RTN4RL1: variants seen among roughly 807,000 people sequenced by gnomAD.
The protein encoded by RTN4RL1 is reticulon-4 receptor-like 1.
RTN4RL1 carries 7 observed loss-of-function variants against 25.6 expected under a neutral mutation model. The ratio of observed to expected loss-of-function variants is 0.27; its 90% confidence interval spans 0.16 to 0.51. RTN4RL1 has a LOEUF of 0.51. RTN4RL1 is among the 20% of genes least tolerant of loss of function. The probability of loss-of-function intolerance (pLI) is 0.97; values close to 1 mark genes in which losing one functional copy is unlikely to be tolerated. For synonymous variants in RTN4RL1, 297 were observed against 288.2 expected (o/e 1.03, Z -0.31); for missense variants, 500 against 615.6 (o/e 0.81, Z 1.99).
chr17:2,006,916 C>T lies in RTN4RL1; in HGVS notation c.13+17937G>A, dbSNP rs149063888. Among the ~76,000 whole-genome samples, 191 of 152,274 alleles carry T rather than the reference C, an allele frequency of 1.3e-3. 2 individuals are homozygous for T. The East Asian group carries it at 0.028, about 22-fold the overall frequency. ...GGGATTACAGGCATAAGCCACTGTG[C>T]CCGGCCTTTTCTTTTTTTTAATGTG... On this transcript the variant is annotated intron_variant, in intron 1 of 1. Coordinates refer to ENST00000331238, the MANE Select transcript of RTN4RL1 (RefSeq NM_178568.4).
intron 1 of RTN4RL1, among the ~76,000 whole-genome samples, chr17:1,969,466 C>G (rs1350054520): frequency 6.6e-6 from 1 of 152,168 alleles, no homozygotes; most frequent in East Asian, 1.9e-4. Flanking sequence ...GTCCCCACTT[C>G]TAACTTCAGA....
chr17:1,984,345 T>G (rs528434239), intron 1 of RTN4RL1, among the ~76,000 whole-genome samples: 5 of 152,126 alleles, frequency 3.3e-5, no homozygotes, highest in African/African-American at 1.2e-4. Context: ...GGAGGCTGAG[T>G]TCTATCCCAG....
At chr17:1,938,459 G>A (rs924029391) in intron 1 of RTN4RL1, among the ~76,000 whole-genome samples, 2 of 151,588 alleles carry the variant, frequency 1.3e-5, no homozygotes, top group East Asian at 2.0e-4. Context: ...GCACCATCAC[G>A]CCCAGGTAGT....
chr17:2,005,766 C>CTCA (rs2066989719), intron 1 of RTN4RL1, among the ~76,000 whole-genome samples: 1 of 96,178 alleles, frequency 1.0e-5, no homozygotes, highest in Non-Finnish European at 2.3e-5. Context: ...TCTCTCTCTC[C>CTCA]TTCTCTTTCT....
intron 1 of RTN4RL1, among the ~76,000 whole-genome samples, chr17:1,973,778 C>T (rs150628713): frequency 4.6e-5 from 7 of 152,258 alleles, no homozygotes; most frequent in East Asian, 1.9e-4. Context: ...GTGGCTCATA[C>T]CTGTAATCCC....
chr17:1,996,384 C>T (rs2066929422), intron 1 of RTN4RL1, among the ~76,000 whole-genome samples: 1 of 147,254 alleles, frequency 6.8e-6, no homozygotes, highest in Non-Finnish European at 1.5e-5. Context: ...GCTCTCCCCA[C>T]CTCCCCTCCC....
intron 1 of RTN4RL1, among the ~76,000 whole-genome samples, chr17:2,010,014 C>G (rs1347618799): frequency 7.8e-6 from 1 of 128,882 alleles, no homozygotes; most frequent in Non-Finnish European, 1.6e-5. Context: ...GCAGCGCCCT[C>G]CCTCACTCCC....
rs2066806500 is a variant in RTN4RL1, at chr17:1,969,135, T to C, written c.14-31327A>G. Among the ~76,000 whole-genome samples, 3 of 141,760 alleles carry C rather than the reference T, an allele frequency of 2.1e-5. No individual in the cohort carries two copies. The Admixed American group carries it at 2.4e-4, about 11-fold the overall frequency. The allele number at this position is 141,760 out of a possible 152,430, so 93.0% of individuals were successfully genotyped here. On this transcript the variant is annotated intron_variant, in intron 1 of 1. Coordinates refer to ENST00000331238, the MANE Select transcript of RTN4RL1 (RefSeq NM_178568.4). Reference sequence around the variant, plus strand: ...GTGCAGTGGCGCAATCTCAGTTCACTGCAACCTCTGCCTCCGAGGTTAAAA... The same window carrying C: ...GTGCAGTGGCGCAATCTCAGTTCACCGCAACCTCTGCCTCCGAGGTTAAAA...
At chr17:1,982,586 C>G (rs921110271) in intron 1 of RTN4RL1, among the ~76,000 whole-genome samples, 7 of 151,828 alleles carry the variant, frequency 4.6e-5, no homozygotes, top group Non-Finnish European at 1.0e-4. Context: ...TGCACTCCAG[C>G]CTGGGGGTCA....
chr17:1,965,701 C>T (rs1236016579), intron 1 of RTN4RL1, among the ~76,000 whole-genome samples: 1 of 152,150 alleles, frequency 6.6e-6, no homozygotes, highest in Admixed American at 6.5e-5. Flanking sequence ...GGGCCTCTCC[C>T]AGTTCACTTT....
chr17:1,961,942 T>C (rs1205581203), intron 1 of RTN4RL1, among the ~76,000 whole-genome samples: 7 of 112,696 alleles, frequency 6.2e-5, no homozygotes, highest in Admixed American at 4.4e-4. Flanking sequence ...AGCGAGACTC[T>C]GCCTCAAAAA....
At chr17:1,995,350 C>CT (rs1348520138) in intron 1 of RTN4RL1, among the ~76,000 whole-genome samples, 1 of 149,582 alleles carries the variant, frequency 6.7e-6, no homozygotes. Context: ...CACTTAAACT[C>CT]GGGAGGCGGA....
In RTN4RL1 at chr17:1,936,644, A is replaced by C. The variant is rs762629775; in HGVS notation, c.1178T>G (p.Met393Arg). 6.3e-7 allele frequency: 1 copy of C among 1,594,466 alleles called. No individual in the cohort carries two copies. Among genetic ancestry groups the C allele is most frequent in the South Asian group, 1.1e-5 (1 of 88,066 alleles). ...CTTCCTCTTGGGCCGGGCCGTAGGC[A>C]TGATGTCAAAACTGAACTTGTGCTG... ...DYQHKFSFDI[M>R]PTARPKRKGK... The change falls in exon 2 of 2, where the codon ATG (methionine) becomes AGG (arginine). Residue 393 changes from methionine to arginine, a missense_variant. Met to Arg is a moderately conservative substitution (Grantham distance 91). Transcript: ENST00000331238.
rs769437102 is a variant in RTN4RL1 at position 1,937,467 on chromosome 17, C to T, written c.355G>A (p.Glu119Lys). ...AGCTTCACCAGGCCCTGGAAGGTCT[C>T]GGGTGCCAGCGTCCGCAGCTGCCGG... is the stretch of plus-strand genomic sequence containing the variant. ...DNRQLRTLAP[E>K]TFQGLVKLHA... Residue 119 changes from glutamate (E) to lysine (K), a missense_variant, in exon 2 of 2, where the codon GAG (glutamate) becomes AAG (lysine). Glu to Lys is a moderately conservative substitution (Grantham distance 56, BLOSUM62 1). This residue lies in a region of RTN4RL1 where 232 missense variants were observed against 341.1 expected (regional missense o/e 0.68). Coordinates refer to ENST00000331238, the MANE Select transcript of RTN4RL1 (RefSeq NM_178568.4). The T allele has an allele frequency of 9.3e-6, 15 of 1,613,822 alleles. No homozygotes were observed. Among genetic ancestry groups the T allele is most frequent in the African/African-American group, 8.0e-5 (6 of 74,936 alleles).
rs148184099 is a variant in RTN4RL1 at position 2,023,243 on chromosome 17, C to T, written c.13+1610G>A. Among the ~76,000 whole-genome samples, 98 of 152,288 alleles carry T rather than the reference C, an allele frequency of 6.4e-4. 1 individual carries two copies. The highest frequency in any genetic ancestry group is 2.1e-3 in the African/African-American group (89 of 41,562). Reference sequence around the variant, plus strand: ...CAGGCCCAAGTTTCTCAGACCCGGGCTTCTGCTCAGCTCTGTAAAAAGCAC... The same window carrying T: ...CAGGCCCAAGTTTCTCAGACCCGGGTTTCTGCTCAGCTCTGTAAAAAGCAC... On this transcript the variant is annotated intron_variant, in intron 1 of 1. Transcript: ENST00000331238.
intron 1 of RTN4RL1, among the ~76,000 whole-genome samples, chr17:2,023,367 G>A (rs1341876099): frequency 6.6e-6 from 1 of 152,188 alleles, no homozygotes; most frequent in Non-Finnish European, 1.5e-5. Flanking sequence ...GTGTGTCTGC[G>A]AAGCGGTTTC....
At chr17:1,953,467 G>C (rs1431809312) in intron 1 of RTN4RL1, among the ~76,000 whole-genome samples, 1 of 152,064 alleles carries the variant, frequency 6.6e-6, no homozygotes, top group Non-Finnish European at 1.5e-5. Context: ...ATGAGTTAAT[G>C]GGTGCAGCAC....
intron 1 of RTN4RL1, among the ~76,000 whole-genome samples, chr17:1,939,293 C>T (rs541961114): frequency 1.2e-4 from 19 of 152,124 alleles, no homozygotes; most frequent in African/African-American, 3.6e-4. Flanking sequence ...GTGGAGCTTG[C>T]AGTGAGCTGA....
chr17:1,941,027 C>G (rs746818935), intron 1 of RTN4RL1, among the ~76,000 whole-genome samples: 2 of 152,186 alleles, frequency 1.3e-5, no homozygotes, highest in Non-Finnish European at 2.9e-5. Context: ...TAATCCCACT[C>G]GACATTTGCA....
Sources: gnomAD v4.1 joint callset for allele counts (sites outside exome capture counted in the v4.1 genomes callset) on GRCh38, gnomAD v4.1.1 for gene constraint, gnomAD v4.1.1 regional missense constraint, MANE v1.5 for transcripts, NCBI Gene and HGNC (gene_info 2026-07-23, HGNC 2026-07-21) for gene names.